Variants in CDC73 observed in about 807,000 individuals in gnomAD.
CDC73 encodes the protein cell division cycle 73.
A neutral mutation model predicts 83.7 loss-of-function variants in CDC73; 21 were observed. The ratio of observed to expected loss-of-function variants is 0.25; its 90% CI spans 0.18 to 0.36. CDC73 has a LOEUF of 0.36. CDC73 is among the 10% of genes least tolerant of loss of function. The pLI, the probability that CDC73 is intolerant of heterozygous loss-of-function variation, is 1.00. For synonymous variants in CDC73, 224 were observed against 212.9 expected, an observed-to-expected ratio of 1.05 and a Z score of -0.45; for missense variants, 342 against 653.3, an observed-to-expected ratio of 0.52 and a Z score of 5.19.
At chr1:193,221,445 G>A (rs757547879) in intron 13 of CDC73, among the ~76,000 whole-genome samples, 2 of 150,600 alleles carry the variant, frequency 1.3e-5, no homozygotes, top group African/African-American at 2.4e-5. Context: ...TTTATGATTT[G>A]TGAATTTGGT....
intron 10 of CDC73, among the ~76,000 whole-genome samples, chr1:193,187,335 T>C (rs1357357249): frequency 6.6e-6 from 1 of 152,188 alleles, no homozygotes; most frequent in Non-Finnish European, 1.5e-5. Flanking sequence ...GTAATAGATA[T>C]AGCACACTTG....
intron 10 of CDC73, among the ~76,000 whole-genome samples, chr1:193,172,043 G>A (rs781022782): frequency 1.3e-5 from 2 of 152,060 alleles, no homozygotes; most frequent in Non-Finnish European, 2.9e-5. Flanking sequence ...TCCTGCGTCA[G>A]CCTACCCAGT....
At position 193,122,060 on chromosome 1, in the gene CDC73, G is replaced by A; in HGVS notation, c.-141G>A. On this transcript the variant is annotated 5_prime_UTR_variant, in exon 1 of 17. Transcript: ENST00000367435. ...CTGCCCCTGCTGCTGTCGTAGGCGAGGACGGCTGTTAGTGCTGCTGCTGTT... is the reference window on the plus strand; with the variant it reads ...CTGCCCCTGCTGCTGTCGTAGGCGAAGACGGCTGTTAGTGCTGCTGCTGTT... 1.3e-6 allele frequency: 1 copy of A among 759,456 alleles called. No individual in the cohort carries two copies. The highest frequency in any genetic ancestry group is 2.2e-6 in the Non-Finnish European group (1 of 446,922). The allele number at this position is 759,456 out of a possible 1,614,324, so 47.0% of individuals were successfully genotyped here. A position where few individuals can be genotyped will look rare whatever the true frequency, so the allele number is the denominator to read the frequency against.
At chr1:193,215,810 G>A (rs1677357994) in intron 13 of CDC73, among the ~76,000 whole-genome samples, 2 of 151,950 alleles carry the variant, frequency 1.3e-5, no homozygotes, top group Non-Finnish European at 2.9e-5. Flanking sequence ...GGCTGGTCTC[G>A]AACTCCTGGG....
At chr1:193,145,240 T>C (rs896395808) in intron 7 of CDC73, among the ~76,000 whole-genome samples, 1 of 152,240 alleles carries the variant, frequency 6.6e-6, no homozygotes, top group Non-Finnish European at 1.5e-5. Flanking sequence ...TTTATGGATG[T>C]GGTTTCCATG....
intron 6 of CDC73, among the ~76,000 whole-genome samples, chr1:193,138,712 ATCTG>A (rs1675847509): frequency 1.4e-5 from 2 of 147,802 alleles, no homozygotes; most frequent in South Asian, 4.3e-4. Context: ...ATTCTTTTCT[ATCTG>A]TCTGTTTATA....
At chr1:193,146,474 G>GAAGCAAGCAAGCAAGCAAGCAAGCAAGC (rs201981048) in intron 7 of CDC73, among the ~76,000 whole-genome samples, 5 of 150,818 alleles carry the variant, frequency 3.3e-5, no homozygotes, top group Admixed American at 6.6e-5. Flanking sequence ...GCAGAAGGCA[G>GAAGCAAGCAAGCAAGCAAGCAAGCAAGC]AAGCAAGCAA....
At chr1:193,130,860 C>G (rs1042306472) in intron 3 of CDC73, among the ~76,000 whole-genome samples, 4 of 152,172 alleles carry the variant, frequency 2.6e-5, no homozygotes, top group African/African-American at 7.2e-5. Flanking sequence ...GAAAGCCTTT[C>G]TTCATTTGGC....
chr1:193,223,224 GTTCAT>G (rs1677502449), intron 13 of CDC73, among the ~76,000 whole-genome samples: 1 of 108,254 alleles, frequency 9.2e-6, no homozygotes. Context: ...GTTTTTTACT[GTTCAT>G]TTTATTTTTT....
At chr1:193,162,408 T>C (rs935075335) in intron 10 of CDC73, among the ~76,000 whole-genome samples, 1 of 147,000 alleles carries the variant, frequency 6.8e-6, no homozygotes, top group African/African-American at 2.5e-5. Context: ...AGTCTCACTC[T>C]GTCGCTCAGG....
In CDC73 at chr1:193,227,837, C is replaced by G. The variant is rs369739413; in HGVS notation, c.1155-5156C>G. Among the ~76,000 whole-genome samples, 53 of 152,250 alleles carry G rather than the reference C, an allele frequency of 3.5e-4. 1 individual carries two copies. The Middle Eastern group carries it at 0.014, about 39-fold the overall frequency. On this transcript the variant is annotated intron_variant, in intron 13 of 16. Coordinates refer to ENST00000367435, the MANE Select transcript of CDC73 (RefSeq NM_024529.5). ...AGGTGATTTGTTCAAATTTCTTGTGCAAGAGGAGGCATAGAAATAAAGTAC... is the reference window on the plus strand; with the variant it reads ...AGGTGATTTGTTCAAATTTCTTGTGGAAGAGGAGGCATAGAAATAAAGTAC...
Position 193,147,940 on chromosome 1 carries a change from G to A in CDC73, c.803G>A (p.Arg268Gln), listed in dbSNP as rs750706815. 23 of 1,612,812 alleles carry A rather than the reference G, an allele frequency of 1.4e-5. No individual in the cohort carries two copies. The highest frequency in any genetic ancestry group is 1.9e-5 in the Non-Finnish European group (22 of 1,178,956). The change falls in exon 8 of 17, where the codon CGA becomes CAA. Residue 268 changes from arginine to glutamine, a missense_variant. By Grantham distance (43) the Arg-to-Gln change is conservative. Around this residue, in one of 3 missense-constraint regions of CDC73, gnomAD observed 239 missense variants for 420.6 expected, o/e 0.57. Coordinates refer to ENST00000367435, the MANE Select transcript of CDC73 (RefSeq NM_024529.5). The part of the protein sequence containing the change: ...AREEGRAPEQ[R>Q]PAPNAAPVDP... Reference sequence around the variant, plus strand: ...GAAGAAGGGCGTGCACCTGAACAGCGACCTGCCCCAAATGCAGCACCTGTG... The same window carrying A: ...GAAGAAGGGCGTGCACCTGAACAGCAACCTGCCCCAAATGCAGCACCTGTG...
In CDC73 at chr1:193,253,942, G is replaced by T. The variant is rs888956601; in HGVS notation, c.*3230G>T. On this transcript the variant is annotated 3_prime_UTR_variant, in exon 17 of 17. Coordinates refer to ENST00000367435, the MANE Select transcript of CDC73 (RefSeq NM_024529.5). ...TGTTCTTTTTTGGAGGGGTGGGGAG[G>T]AATATTTGTTGAACTAAAGTATATA... The T allele has an allele frequency of 9.0e-6, 2 of 222,572 alleles. No homozygotes were observed. The highest frequency in any genetic ancestry group is 1.8e-5 in the Non-Finnish European group (2 of 111,588). 13.8% of individuals were successfully genotyped at this position (222,572 alleles called of 1,614,324 possible). A position where few individuals can be genotyped will look rare whatever the true frequency, so the allele number is the denominator to read the frequency against.
chr1:193,185,503 T>C (rs530445802), intron 10 of CDC73, among the ~76,000 whole-genome samples: 1 of 152,216 alleles, frequency 6.6e-6, no homozygotes, highest in Admixed American at 6.5e-5. Context: ...AGGGAGATGT[T>C]GGGGAAGATT....
chr1:193,221,330 G>A (rs10921327), intron 13 of CDC73, among the ~76,000 whole-genome samples: 51,364 of 151,792 alleles, frequency 0.34, 10,037 homozygotes, highest in South Asian at 0.59. Context: ...TCATATCCAC[G>A]CCTGGGACTC....
chr1:193,147,484 C>A (rs1432188549), intron 7 of CDC73, among the ~76,000 whole-genome samples: 2 of 151,678 alleles, frequency 1.3e-5, no homozygotes, highest in Non-Finnish European at 2.9e-5. Context: ...ATTCCTGCCT[C>A]AGCCTCCCGA....
intron 13 of CDC73, among the ~76,000 whole-genome samples, chr1:193,218,739 C>T (rs1039481685): frequency 2.0e-5 from 3 of 152,166 alleles, no homozygotes; most frequent in Admixed American, 2.0e-4. Flanking sequence ...CCCTTCCTTT[C>T]ACCATATGCA....
At chr1:193,225,957 T>TCGTGGTC (rs1422615148) in intron 13 of CDC73, among the ~76,000 whole-genome samples, 1 of 152,152 alleles carries the variant, frequency 6.6e-6, no homozygotes, top group African/African-American at 2.4e-5. Context: ...GCTTTTTGGT[T>TCGTGGTC]CGTGGTCATG....
At position 193,135,515 on chromosome 1, in the gene CDC73, TTTAC is replaced by T; in HGVS notation, c.371-19_371-16del. 1 of 1,613,006 alleles carries T rather than the reference TTTAC, an allele frequency of 6.2e-7. No individual in the cohort carries two copies. Among genetic ancestry groups the T allele is most frequent in the Non-Finnish European group, 8.5e-7 (1 of 1,178,988 alleles). The stretch of plus-strand genomic sequence containing the variant: ...AGCCCATTCCAAAACTACACATTTA[TTTAC>T]TTCTCTTTCTTTTATAGTCAAACGA... On this transcript the variant is annotated intron_variant, in intron 4 of 16. Coordinates refer to ENST00000367435, the MANE Select transcript of CDC73 (RefSeq NM_024529.5).
Sources: allele counts gnomAD v4.1 joint callset (sites outside exome capture counted in the v4.1 genomes callset), GRCh38; gene constraint gnomAD v4.1.1; regional missense constraint gnomAD v4.1.1; transcripts MANE v1.5; gene names NCBI Gene and HGNC (gene_info 2026-07-23, HGNC 2026-07-21).